The following HPSE2 variants were observed in gnomAD, a reference collection of about 807,000 sequenced individuals.
The protein encoded by HPSE2 is heparanase 2 (inactive).
In HPSE2, 38 loss-of-function variants were observed where a neutral mutation model predicts 60.5. The ratio of observed to expected loss-of-function variants is 0.63; its 90% CI spans 0.48 to 0.82. The LOEUF is 0.82. Ranked by LOEUF, HPSE2 falls within the 40% of genes least tolerant of loss-of-function variation. HPSE2 has a pLI of 0.00. For synonymous variants in HPSE2, 295 were observed against 293.2 expected (o/e 1.01, Z -0.06); for missense variants, 713 against 740.4 (o/e 0.96, Z 0.43).
At chr10:99,002,919 C>T (rs1049914065) in intron 3 of HPSE2, among the ~76,000 whole-genome samples, 1 of 151,996 alleles carries the variant, frequency 6.6e-6, no homozygotes, top group African/African-American at 2.4e-5. Flanking sequence ...CTACTCAATA[C>T]ATTGTTATTA....
intron 3 of HPSE2, among the ~76,000 whole-genome samples, chr10:98,964,867 G>A (rs1158940074): frequency 6.6e-6 from 1 of 152,032 alleles, no homozygotes; most frequent in Non-Finnish European, 1.5e-5. Context: ...GCCAATCCCT[G>A]ATTTATCTTT....
chr10:98,944,112 C>T (rs1374559626), intron 3 of HPSE2, among the ~76,000 whole-genome samples: 2 of 152,074 alleles, frequency 1.3e-5, no homozygotes, highest in East Asian at 3.9e-4. Flanking sequence ...TGCTGATGGG[C>T]CAAATAGTTT....
At chr10:99,028,500 GA>G (rs948770779) in intron 3 of HPSE2, among the ~76,000 whole-genome samples, 53 of 152,160 alleles carry the variant, frequency 3.5e-4, no homozygotes, top group African/African-American at 1.2e-3. Flanking sequence ...TCAAAGAATG[GA>G]AAAATATTCC....
intron 3 of HPSE2, among the ~76,000 whole-genome samples, chr10:99,014,578 A>G (rs936531404): frequency 2.6e-5 from 4 of 152,194 alleles, no homozygotes; most frequent in African/African-American, 9.6e-5. Context: ...CAAACAGTGT[A>G]TAAGTGTTCC....
chr10:98,983,142 G>A (rs1956247503), intron 3 of HPSE2, among the ~76,000 whole-genome samples: 1 of 152,168 alleles, frequency 6.6e-6, no homozygotes, highest in South Asian at 2.1e-4. Context: ...GAAGGCAGGG[G>A]ATGGTTGCGG....
rs556508310 is a variant in HPSE2 at position 98,976,511 on chromosome 10, G to A, written c.610+167727C>T. On this transcript the variant is annotated intron_variant, in intron 3 of 11. Coordinates refer to ENST00000370552, the MANE Select transcript of HPSE2 (RefSeq NM_021828.5). The stretch of plus-strand genomic sequence containing the variant: ...CATTCCACTATCCTTCCAGGGGTGG[G>A]GATGGGAGCTGCATATTAAATTTCT... 2.0e-5 allele frequency among the ~76,000 whole-genome samples: 3 copies of A among 152,062 alleles called. No homozygotes were observed. The South Asian group carries it at 6.2e-4, about 32-fold the overall frequency.
At chr10:99,124,886 G>A (rs1397685159) in intron 3 of HPSE2, among the ~76,000 whole-genome samples, 1 of 152,224 alleles carries the variant, frequency 6.6e-6, no homozygotes, top group East Asian at 1.9e-4. Flanking sequence ...GGAGTGTGCA[G>A]CCCTGGCTGT....
At chr10:98,858,514 G>A (rs894007811) in intron 3 of HPSE2, among the ~76,000 whole-genome samples, 3 of 152,100 alleles carry the variant, frequency 2.0e-5, no homozygotes, top group Non-Finnish European at 4.4e-5. Flanking sequence ...AATTCACCAG[G>A]ACATTAGAGT....
At chr10:98,472,170 TTAAGTA>T (rs969835286) in intron 11 of HPSE2, among the ~76,000 whole-genome samples, 3 of 151,956 alleles carry the variant, frequency 2.0e-5, no homozygotes, top group South Asian at 2.1e-4. Context: ...CCTCAGAACC[TTAAGTA>T]TAAGTATTTT....
At chr10:98,553,708 C>G (rs1412917604) in intron 9 of HPSE2, among the ~76,000 whole-genome samples, 1 of 152,188 alleles carries the variant, frequency 6.6e-6, no homozygotes, top group Non-Finnish European at 1.5e-5. Flanking sequence ...CTCTTCTTTT[C>G]CAAGGCCACA....
the HPSE2 span, among the ~76,000 whole-genome samples, chr10:99,269,993 A>G: frequency 6.6e-6 from 1 of 152,234 alleles, no homozygotes; most frequent in Non-Finnish European, 1.5e-5. Flanking sequence ...CTAAGAGGAA[A>G]GGTCATAGCA....
intron 3 of HPSE2, among the ~76,000 whole-genome samples, chr10:98,984,179 C>T (rs569281746): frequency 3.1e-4 from 47 of 152,316 alleles, no homozygotes; most frequent in South Asian, 6.2e-4. Flanking sequence ...GATCTGAGAA[C>T]GGGCAGACTG....
intron 3 of HPSE2, among the ~76,000 whole-genome samples, chr10:98,899,704 T>C (rs1953605774): frequency 6.6e-6 from 1 of 151,150 alleles, no homozygotes; most frequent in Non-Finnish European, 1.5e-5. Context: ...TTCTTAGACA[T>C]TGCTGATGGA....
chr10:98,532,237 C>T (rs1332046786), intron 9 of HPSE2, among the ~76,000 whole-genome samples: 3 of 152,156 alleles, frequency 2.0e-5, no homozygotes, highest in Non-Finnish European at 4.4e-5. Context: ...TCTTCAACAC[C>T]TCTCCCAAAT....
chr10:98,840,509 G>C (rs1016146759), intron 3 of HPSE2, among the ~76,000 whole-genome samples: 21 of 152,142 alleles, frequency 1.4e-4, no homozygotes, highest in African/African-American at 4.6e-4. Flanking sequence ...TAAGGGCTTC[G>C]ACTAGGGTGA....
At chr10:98,689,962 GAC>G (rs1948032482) in intron 6 of HPSE2, among the ~76,000 whole-genome samples, 2 of 152,164 alleles carry the variant, frequency 1.3e-5, no homozygotes, top group Non-Finnish European at 1.5e-5. Context: ...TCTCTCATGT[GAC>G]AAATGGCAGC....
the HPSE2 span, among the ~76,000 whole-genome samples, chr10:99,307,300 T>C: frequency 1.3e-5 from 2 of 152,220 alleles, no homozygotes; most frequent in Admixed American, 6.5e-5. Flanking sequence ...TCTGTGTGTT[T>C]TATATTAAAT....
chr10:98,751,537 T>G (rs899750607), intron 3 of HPSE2, among the ~76,000 whole-genome samples: 1 of 152,214 alleles, frequency 6.6e-6, no homozygotes, highest in Non-Finnish European at 1.5e-5. Flanking sequence ...GGTTAAGAAC[T>G]TGGGCACATG....
chr10:99,039,523 G>C (rs1027710811), intron 3 of HPSE2, among the ~76,000 whole-genome samples: 1 of 149,592 alleles, frequency 6.7e-6, no homozygotes, highest in African/African-American at 2.4e-5. Context: ...ATATATGTGT[G>C]TATATTATAT....
Sources: gnomAD v4.1 joint callset for allele counts (sites outside exome capture counted in the v4.1 genomes callset) on GRCh38, gnomAD v4.1.1 for gene constraint, MANE v1.5 for transcripts, NCBI Gene and HGNC (gene_info 2026-07-23, HGNC 2026-07-21) for gene names.